The following ATRN variants were observed in gnomAD, a reference collection of about 807,000 sequenced individuals.
The protein encoded by ATRN is attractin-2.
ATRN carries 54 observed loss-of-function variants against 178.7 expected under a neutral mutation model. The observed-to-expected ratio is 0.30, with a 90% CI of 0.24 to 0.38. The LOEUF (loss-of-function observed/expected upper bound fraction) is 0.38. Ranked by LOEUF, ATRN falls within the 10% of genes least tolerant of loss-of-function variation. The pLI is 1.00. For synonymous variants in ATRN, 636 were observed against 663.0 expected (o/e 0.96, Z 0.63); for missense variants, 1,443 against 1,815.1 (o/e 0.79, Z 3.73).
At chr20:3,504,216 A>C (rs2085004379) in intron 1 of ATRN, among the ~76,000 whole-genome samples, 1 of 152,186 alleles carries the variant, frequency 6.6e-6, no homozygotes, top group Admixed American at 6.5e-5. Flanking sequence ...AAATAGAAAC[A>C]TTCTCAGATA....
intron 1 of ATRN, among the ~76,000 whole-genome samples, chr20:3,492,936 A>ATTAT (rs952557802): frequency 6.1e-5 from 9 of 146,872 alleles, no homozygotes; most frequent in African/African-American, 2.2e-4. Flanking sequence ...GTGGGTATAT[A>ATTAT]TTATTTATTT....
chr20:3,607,876 C>T (rs1318374009), intron 24 of ATRN, among the ~76,000 whole-genome samples: 1 of 152,148 alleles, frequency 6.6e-6, no homozygotes, highest in Non-Finnish European at 1.5e-5. Flanking sequence ...TCCTCGCCAG[C>T]ATCTGTTATT....
intron 1 of ATRN, among the ~76,000 whole-genome samples, chr20:3,487,531 G>C (rs2084712077): frequency 6.6e-6 from 1 of 152,086 alleles, no homozygotes; most frequent in Admixed American, 6.5e-5. Context: ...GATTGTTCTA[G>C]TAACTGAACT....
At chr20:3,595,105 A>G (rs1216811211) in intron 20 of ATRN, among the ~76,000 whole-genome samples, 6 of 152,200 alleles carry the variant, frequency 3.9e-5, no homozygotes, top group Non-Finnish European at 8.8e-5. Flanking sequence ...AGCATCAGGC[A>G]TGTTTAAGGT....
intron 6 of ATRN, among the ~76,000 whole-genome samples, chr20:3,555,681 C>A (rs2085867798): frequency 6.6e-6 from 1 of 152,172 alleles, no homozygotes; most frequent in Non-Finnish European, 1.5e-5. Flanking sequence ...CCAGCCCTCA[C>A]ACTAAAGCTA....
At chr20:3,631,608 C>A (rs1181084747) in intron 25 of ATRN, among the ~76,000 whole-genome samples, 2 of 152,074 alleles carry the variant, frequency 1.3e-5, no homozygotes, top group Non-Finnish European at 2.9e-5. Flanking sequence ...GACTGGGGAA[C>A]TGGTGTTGTC....
chr20:3,640,437 A>G (rs6051992), intron 27 of ATRN, among the ~76,000 whole-genome samples: 26,074 of 152,144 alleles, frequency 0.17, 4,636 homozygotes, highest in African/African-American at 0.46. Context: ...AATATTCAGA[A>G]ATGATAGCTT....
chr20:3,528,442 G>A (rs2085404676), intron 1 of ATRN, among the ~76,000 whole-genome samples: 1 of 152,056 alleles, frequency 6.6e-6, no homozygotes. Context: ...TGTCCTTTGA[G>A]CAGCATGGAT....
Position 3,560,649 on chromosome 20 carries a change from A to AT in ATRN, c.1204-6dup, listed in dbSNP as rs1171590800. 2 of 1,592,786 alleles carry AT rather than the reference A, an allele frequency of 1.3e-6. No individual in the cohort carries two copies. The highest frequency in any genetic ancestry group is 1.7e-5 in the Admixed American group (1 of 58,580). On this transcript the variant is annotated splice_polypyrimidine_tract_variant and intron_variant, in intron 7 of 28. Coordinates refer to ENST00000262919, the MANE Select transcript of ATRN (RefSeq NM_139321.3). The stretch of plus-strand genomic sequence containing the variant: ...CAATGTTTTTAAAAATTTTGTTTGC[A>AT]TTTTTTTCCTAGGATAAAATTTACA...
chr20:3,505,489 TAATA>T (rs2085030568), intron 1 of ATRN, among the ~76,000 whole-genome samples: 1 of 152,230 alleles, frequency 6.6e-6, no homozygotes, highest in Admixed American at 6.5e-5. Context: ...CCAATTTCCT[TAATA>T]AATCCTCTCC....
At chr20:3,590,982 A>T (rs532637681) in intron 18 of ATRN, among the ~76,000 whole-genome samples, 187 bp from the exon 19 acceptor site, 3 of 152,154 alleles carry the variant, frequency 2.0e-5, no homozygotes, top group Non-Finnish European at 2.9e-5. Flanking sequence ...ATACATTTTC[A>T]ATTTTCCTGG....
At chr20:3,499,581 G>A (rs151563) in intron 1 of ATRN, among the ~76,000 whole-genome samples, 10,169 of 150,770 alleles carry the variant, frequency 0.067, 992 homozygotes, top group African/African-American at 0.22. Flanking sequence ...CAAGCATTGG[G>A]GAAAGGATTC....
chr20:3,644,722 T>C (rs1391007721), intron 28 of ATRN, among the ~76,000 whole-genome samples: 1 of 152,198 alleles, frequency 6.6e-6, no homozygotes, highest in African/African-American at 2.4e-5. Flanking sequence ...TTTCTTCAAT[T>C]GGTATTTCTA....
intron 25 of ATRN, among the ~76,000 whole-genome samples, chr20:3,625,090 A>C (rs1600166350): frequency 6.6e-6 from 1 of 152,184 alleles, no homozygotes; most frequent in East Asian, 1.9e-4. Context: ...AAGACAAAAA[A>C]CGTGCTGCAG....
At chr20:3,606,863 T>C (rs2086683772) in intron 24 of ATRN, among the ~76,000 whole-genome samples, 1 of 152,226 alleles carries the variant, frequency 6.6e-6, no homozygotes, top group Non-Finnish European at 1.5e-5. Context: ...AATTATAATT[T>C]GAGGAGTTTT....
chr20:3,515,804 G>A (rs961494310), intron 1 of ATRN, among the ~76,000 whole-genome samples: 2 of 152,190 alleles, frequency 1.3e-5, no homozygotes, highest in Non-Finnish European at 2.9e-5. Context: ...ATTAGGTTTG[G>A]TCTGGTGATG....
chr20:3,533,042 G>A (rs918121560), intron 1 of ATRN, among the ~76,000 whole-genome samples: 1 of 152,194 alleles, frequency 6.6e-6, no homozygotes, highest in African/African-American at 2.4e-5. Context: ...GATTACAGGC[G>A]TGAGCCACCA....
In ATRN at chr20:3,540,742, G is replaced by A. The variant is rs237403; in HGVS notation, c.608+407G>A. Among the ~76,000 whole-genome samples the A allele has an allele frequency of 2.6e-5, 4 of 152,112 alleles. No individual in the cohort carries two copies. In the South Asian group the frequency reaches 8.3e-4, roughly 31 times the overall value. ...TATTGCCCACTGCATAGGCCTTCAG[G>A]AGTTATTTGTTGAATTCAAATATAA... On this transcript the variant is annotated intron_variant, in intron 3 of 28. Coordinates refer to ENST00000262919, the MANE Select transcript of ATRN (RefSeq NM_139321.3).
chr20:3,558,127 C>T (rs771290681), intron 6 of ATRN, among the ~76,000 whole-genome samples: 2 of 152,140 alleles, frequency 1.3e-5, no homozygotes, highest in Non-Finnish European at 2.9e-5. Flanking sequence ...GTTGTTCATA[C>T]TTTCATATAT....
Sources: gnomAD v4.1 joint callset for allele counts (sites outside exome capture counted in the v4.1 genomes callset) on GRCh38, gnomAD v4.1.1 for gene constraint, MANE v1.5 for transcripts, NCBI Gene and HGNC (gene_info 2026-07-23, HGNC 2026-07-21) for gene names.